F8: variants seen among roughly 807,000 people sequenced by gnomAD.
F8 encodes the protein antihemophilic factor.
Under a neutral mutation model 140.6 loss-of-function variants are expected in F8, and 12 were observed. The ratio of observed to expected loss-of-function variants is 0.09; its 90% confidence interval spans 0.05 to 0.14. F8 has a LOEUF of 0.14. F8 is among the 10% of genes least tolerant of loss of function. F8 has a pLI of 1.00. For missense variants in F8, 1,354 were observed against 1,720.7 expected, an observed-to-expected ratio of 0.79 and a Z score of 3.77; for synonymous variants, 585 against 614.6, an observed-to-expected ratio of 0.95 and a Z score of 0.71.
chrX:154,921,562 A>G (rs1410449340), intron 14 of F8, among the ~76,000 whole-genome samples: 12 of 111,901 alleles, frequency 1.1e-4, no homozygotes, highest in African/African-American at 3.9e-4. Context: ...TCATGCTGCT[A>G]TAAAGACACA....
intron 22 of F8, among the ~76,000 whole-genome samples, chrX:154,871,435 A>G (rs1307434796): frequency 8.9e-6 from 1 of 112,265 alleles, no homozygotes; most frequent in Admixed American, 9.4e-5. Flanking sequence ...TGACACAAAC[A>G]AGCAATGGGG....
intron 13 of F8, among the ~76,000 whole-genome samples, chrX:154,936,400 C>T (rs1182734828): frequency 9.0e-6 from 1 of 111,553 alleles, no homozygotes; most frequent in African/African-American, 3.3e-5. Context: ...GAAATATATA[C>T]CACACAAACA....
chrX:154,986,684 A>G lies in F8; in HGVS notation c.670+553T>C, dbSNP rs1402265042. On this transcript the variant is annotated intron_variant, in intron 5 of 25. Coordinates refer to ENST00000360256, the MANE Select transcript of F8 (RefSeq NM_000132.4). Reference sequence around the variant, plus strand: ...TATGAGACAGATCATGAGGGCCTCAATTAAGAAGATGGCAATGTAAATTGA... The same window carrying G: ...TATGAGACAGATCATGAGGGCCTCAGTTAAGAAGATGGCAATGTAAATTGA... 4.5e-5 allele frequency among the ~76,000 whole-genome samples: 5 copies of G among 111,364 alleles called. No homozygotes were observed. The Admixed American group carries it at 4.8e-4, about 11-fold the overall frequency.
rs1220869313 is a variant in F8 at position 154,841,205 on chromosome X, CTTCTTTTTTTT to C, written c.6901-3464_6901-3454del. On this transcript the variant is annotated intron_variant, in intron 25 of 25. Transcript: ENST00000360256. ...ACAGTTAATTTCCAACATTTGCTTT[CTTCTTTTTTTT>C]TTTTTTTTTTTTTTTGAGACAGGGT... Among the ~76,000 whole-genome samples, 3 of 66,862 alleles carry C rather than the reference CTTCTTTTTTTT, an allele frequency of 4.5e-5. No homozygotes were observed. In the East Asian group the frequency reaches 1.4e-3, roughly 32 times the overall value. The allele number at this position is 66,862 out of a possible 115,157, so 58.1% of individuals were successfully genotyped here. A position where few individuals can be genotyped will look rare whatever the true frequency, so the allele number is the denominator to read the frequency against.
intron 25 of F8, among the ~76,000 whole-genome samples, chrX:154,837,953 T>G (rs1322478910): frequency 1.8e-5 from 2 of 111,790 alleles, no homozygotes; most frequent in Non-Finnish European, 3.8e-5. Context: ...TAGCTAGGCC[T>G]TATATCTACA....
At position 154,981,979 on chromosome X, in the gene F8, T is replaced by C. The variant is rs782810216; in HGVS notation, c.787+2708A>G. On this transcript the variant is annotated intron_variant, in intron 6 of 25. Transcript: ENST00000360256. ...GGCGGGCAGATCACGAGGTCAGGAG[T>C]TCAAGACCGGCCTGGCAAACATGGT... Among the ~76,000 whole-genome samples, 27 of 83,102 alleles carry C rather than the reference T, an allele frequency of 3.2e-4. No homozygotes were observed. In the South Asian group the frequency reaches 0.014, roughly 42 times the overall value. The allele number at this position is 83,102 out of a possible 115,157, so 72.2% of individuals were successfully genotyped here.
intron 12 of F8, among the ~76,000 whole-genome samples, chrX:154,949,698 T>G (rs782736539): frequency 9.0e-6 from 1 of 111,109 alleles, no homozygotes; most frequent in Non-Finnish European, 1.9e-5. Context: ...TGGTTTTTAC[T>G]GACACCTCTC....
rs1355527473 is a variant in F8, at chrX:154,984,820, C to CAA, written c.671-19_671-18dup. 1 of 1,126,601 alleles carries CAA rather than the reference C, an allele frequency of 8.9e-7. No homozygotes were observed. Among genetic ancestry groups the CAA allele is most frequent in the Admixed American group, 2.2e-5 (1 of 45,975 alleles). 92.8% of individuals were successfully genotyped at this position (1,126,601 alleles called of 1,213,427 possible). On this transcript the variant is annotated splice_polypyrimidine_tract_variant and intron_variant, in intron 5 of 25. Coordinates refer to ENST00000360256, the MANE Select transcript of F8 (RefSeq NM_000132.4). ...AACTTTTCCCTGATGAGAGAGAAGG[C>CAA]AAAGATAGAGTCAGCTAAGCATGTG...
At chrX:154,947,440 T>C (rs2073312330) in intron 13 of F8, among the ~76,000 whole-genome samples, 1 of 109,811 alleles carries the variant, frequency 9.1e-6, no homozygotes, top group Non-Finnish European at 1.9e-5. Context: ...TTGGTGGGAG[T>C]GTAAATAAGT....
chrX:154,919,933 T>C, intron 14 of F8: 1 of 199,033 alleles, frequency 5.0e-6, no homozygotes. Flanking sequence ...CCCTTCCTTG[T>C]GATCTGGGTA....
intron 13 of F8, 24 bp downstream of exon 13, chrX:154,947,674 T>C: frequency 8.6e-7 from 1 of 1,160,255 alleles, no homozygotes; most frequent in Non-Finnish European, 1.2e-6. Flanking sequence ...CAGCTGTTGG[T>C]ACAAGAAAAA....
intron 22 of F8, among the ~76,000 whole-genome samples, chrX:154,875,774 TAG>T (rs1474788295): frequency 1.0e-5 from 1 of 95,630 alleles, no homozygotes; most frequent in Non-Finnish European, 2.1e-5. Context: ...TGTGTGTGTG[TAG>T]AGAGAGAGAG....
intron 14 of F8, among the ~76,000 whole-genome samples, chrX:154,924,236 T>C (rs1388155955): frequency 9.0e-6 from 1 of 111,717 alleles, no homozygotes; most frequent in Non-Finnish European, 1.9e-5. Flanking sequence ...TACCCAAAAA[T>C]GTGGAAGCGA....
intron 1 of F8, among the ~76,000 whole-genome samples, chrX:155,010,962 T>C (rs1015635264): frequency 8.9e-6 from 1 of 112,046 alleles, no homozygotes; most frequent in African/African-American, 3.2e-5. Flanking sequence ...AAAGAAAATA[T>C]AGGTTTAAAT....
chrX:155,009,354 C>T (rs2073694369), intron 1 of F8, among the ~76,000 whole-genome samples: 1 of 111,207 alleles, frequency 9.0e-6, no homozygotes, highest in Non-Finnish European at 1.9e-5. Flanking sequence ...CTTGGTTCCA[C>T]TACGTCTATC....
intron 1 of F8, among the ~76,000 whole-genome samples, chrX:155,019,583 C>G (rs1347524903): frequency 9.0e-6 from 1 of 110,795 alleles, no homozygotes; most frequent in Non-Finnish European, 1.9e-5. Context: ...TGCTTGAGCT[C>G]AGGAGTTGAA....
At chrX:154,994,518 T>C in intron 3 of F8, among the ~76,000 whole-genome samples, 1 of 112,468 alleles carries the variant, frequency 8.9e-6, no homozygotes. Context: ...TATGGAGTAG[T>C]CCCTTTTTTT....
rs781998994 is a variant in F8, at chrX:154,906,286, G to C, written c.5373+134C>G. 7 of 524,110 alleles carry C rather than the reference G, an allele frequency of 1.3e-5. No individual in the cohort carries two copies. The African/African-American group carries it at 1.7e-4, about 13-fold the overall frequency. The allele number at this position is 524,110 out of a possible 1,213,427, so 43.2% of individuals were successfully genotyped here. Reference sequence around the variant, plus strand: ...AGGAGAAAAATACATAGGAAAAATAGAACGTACACAAAGATAATTATGGAA... The same window carrying C: ...AGGAGAAAAATACATAGGAAAAATACAACGTACACAAAGATAATTATGGAA... On this transcript the variant is annotated intron_variant, in intron 15 of 25. Transcript: ENST00000360256.
chrX:154,914,189 G>A (rs1259559085), intron 14 of F8, among the ~76,000 whole-genome samples: 2 of 112,788 alleles, frequency 1.8e-5, no homozygotes, highest in African/African-American at 6.4e-5. Context: ...GGAGTGGCTG[G>A]GACACAGGGC....
Sources: allele counts gnomAD v4.1 joint callset (sites outside exome capture counted in the v4.1 genomes callset), GRCh38; gene constraint gnomAD v4.1.1; transcripts MANE v1.5; gene names NCBI Gene and HGNC (gene_info 2026-07-23, HGNC 2026-07-21).